Variants in HVCN1 observed in about 807,000 individuals in gnomAD.
HVCN1 encodes hydrogen voltage gated channel 1.
HVCN1 carries 14 observed loss-of-function variants against 29.2 expected under a neutral mutation model. That is an observed-to-expected ratio of 0.48 (90% CI 0.32 to 0.75). The LOEUF (loss-of-function observed/expected upper bound fraction) is 0.75. HVCN1 is among the 30% of genes least tolerant of loss of function. The pLI, the probability that HVCN1 is intolerant of heterozygous loss-of-function variation, is 0.04. For missense variants in HVCN1, 263 were observed against 341.8 expected (o/e 0.77, Z 1.82); for synonymous variants, 131 against 133.2 (o/e 0.98, Z 0.11).
intron 3 of HVCN1, 51 bp downstream of exon 3, chr12:110,683,174 C>T (rs1230247450): frequency 1.9e-6 from 3 of 1,612,890 alleles, no homozygotes; most frequent in Non-Finnish European, 2.5e-6. Context: ...CAGAATTATC[C>T]TCTCAAGGCT....
chr12:110,666,960 T>A (rs2068385730), intron 3 of HVCN1, among the ~76,000 whole-genome samples: 1 of 152,068 alleles, frequency 6.6e-6, no homozygotes, highest in Non-Finnish European at 1.5e-5. Flanking sequence ...GTCCCCTGAG[T>A]CTTGTATGAC....
In HVCN1 at chr12:110,661,120, C is replaced by T. The variant is rs563786433; in HGVS notation, c.306+44G>A. 89 of 1,544,034 alleles carry T rather than the reference C, an allele frequency of 5.8e-5. 1 individual carries two copies. The Middle Eastern group carries it at 1.4e-3, about 25-fold the overall frequency. On this transcript the variant is annotated intron_variant, in intron 4 of 7. Coordinates refer to ENST00000242607, the MANE Select transcript of HVCN1 (RefSeq NM_032369.4). This position sits in a 1 kb window ranked among gnomAD's most constrained non-coding sequence, Gnocchi z 6.2. ...CCGCCTGCCTCACATTCCCCGATGG[C>T]TCTCCTGCCAGCTCTGGGTATCCCG...
upstream of HVCN1, among the ~76,000 whole-genome samples, chr12:110,691,264 C>T (rs188001723): frequency 1.8e-3 from 275 of 150,720 alleles, 1 homozygote; most frequent in African/African-American, 6.2e-3. Context: ...GGGGTTTCAC[C>T]GTGTTAACCA....
intron 1 of HVCN1, among the ~76,000 whole-genome samples, chr12:110,702,678 G>A (rs1257908734): frequency 2.8e-5 from 4 of 144,928 alleles, no homozygotes; most frequent in Non-Finnish European, 6.0e-5. Context: ...TTTTGAGATG[G>A]AGTTTTGCTC....
chr12:110,678,310 G>A (rs2068815669), intron 3 of HVCN1, among the ~76,000 whole-genome samples: 4 of 152,120 alleles, frequency 2.6e-5, no homozygotes, highest in African/African-American at 7.2e-5. Context: ...AGTTTGGAGC[G>A]GTGTTTCTCA....
intron 3 of HVCN1, among the ~76,000 whole-genome samples, chr12:110,664,248 AC>A (rs1200058057): frequency 6.6e-6 from 1 of 152,134 alleles, no homozygotes; most frequent in African/African-American, 2.4e-5. Flanking sequence ...ACAACTGTAT[AC>A]CCAGCACCTA....
At chr12:110,701,238 C>T (rs1046182927) in intron 2 of HVCN1, among the ~76,000 whole-genome samples, 21 of 152,326 alleles carry the variant, frequency 1.4e-4, no homozygotes, top group South Asian at 4.1e-4. Flanking sequence ...GGAGGTAGAG[C>T]GCTCCAGCCT....
intron 3 of HVCN1, among the ~76,000 whole-genome samples, chr12:110,664,423 T>A (rs2068277215): frequency 6.6e-6 from 1 of 152,168 alleles, no homozygotes; most frequent in Non-Finnish European, 1.5e-5. Context: ...GTTAAATATA[T>A]GGAAAATATT....
At chr12:110,669,683 G>T (rs1316704307) in intron 3 of HVCN1, among the ~76,000 whole-genome samples, 1 of 152,146 alleles carries the variant, frequency 6.6e-6, no homozygotes, top group Non-Finnish European at 1.5e-5. Flanking sequence ...AACAACCACT[G>T]AGACACTGTC....
intron 3 of HVCN1, among the ~76,000 whole-genome samples, chr12:110,663,913 A>G (rs79682148): frequency 0.033 from 4,953 of 152,048 alleles, 142 homozygotes; most frequent in African/African-American, 0.083. Context: ...AAGACCTTAC[A>G]TTTAATTTTC....
At chr12:110,683,414 G>A (rs1566061032) in intron 2 of HVCN1, 150 bp from the exon 3 acceptor site, 1 of 868,644 alleles carries the variant, frequency 1.2e-6, no homozygotes, top group Non-Finnish European at 1.7e-6. Context: ...GTATATGTAG[G>A]AGGGCATACA....
At position 110,658,110 on chromosome 12, in the gene HVCN1, T is replaced by G. The variant is rs1028229378; in HGVS notation, c.307-2772A>C. On this transcript the variant is annotated intron_variant, in intron 4 of 7. Coordinates refer to ENST00000242607, the MANE Select transcript of HVCN1 (RefSeq NM_032369.4). The surrounding 1 kb of genome is among the most constrained non-coding windows in gnomAD (Gnocchi z 5.0). The stretch of plus-strand genomic sequence containing the variant: ...AAGCTCCCTGACTCCTGGGACCACT[T>G]TCCCTTGGCTCCACTCTGTCCTGTC... 5.3e-5 allele frequency among the ~76,000 whole-genome samples: 8 copies of G among 152,094 alleles called. No homozygotes were observed. The highest frequency in any genetic ancestry group is 7.4e-5 in the Non-Finnish European group (5 of 68,014).
rs956622149 is a variant in HVCN1 at position 110,664,830 on chromosome 12, G to A, written c.22-3382C>T. ...GTGTGTGTGGAACAAGATTTCATGA[G>A]GCAGGGAAAAATATAACTTTCAGGA... On this transcript the variant is annotated intron_variant, in intron 3 of 7. Coordinates refer to ENST00000242607, the MANE Select transcript of HVCN1 (RefSeq NM_032369.4). 5.9e-5 allele frequency among the ~76,000 whole-genome samples: 9 copies of A among 152,108 alleles called. No homozygotes were observed. In the East Asian group the frequency reaches 7.7e-4, roughly 13 times the overall value.
At chr12:110,700,498 G>A (rs1255744062) in intron 2 of HVCN1, among the ~76,000 whole-genome samples, 1 of 152,168 alleles carries the variant, frequency 6.6e-6, no homozygotes, top group Non-Finnish European at 1.5e-5. Flanking sequence ...CGCTTATCTC[G>A]GGGTGGCATT....
intron 2 of HVCN1, among the ~76,000 whole-genome samples, chr12:110,696,976 G>A (rs999307688): frequency 2.4e-4 from 36 of 152,000 alleles, no homozygotes; most frequent in Non-Finnish European, 4.4e-5. Flanking sequence ...GGAAAAAGGG[G>A]CATGATTCCA....
At chr12:110,671,066 C>G (rs1030973373) in intron 3 of HVCN1, among the ~76,000 whole-genome samples, 2 of 152,150 alleles carry the variant, frequency 1.3e-5, no homozygotes, top group Admixed American at 1.3e-4. Flanking sequence ...GTGGCTCATG[C>G]CTGTAATCCC....
At chr12:110,673,557 G>C (rs1303778461) in intron 3 of HVCN1, among the ~76,000 whole-genome samples, 1 of 152,180 alleles carries the variant, frequency 6.6e-6, no homozygotes, top group Non-Finnish European at 1.5e-5. Context: ...CCATGTCAGA[G>C]ACCTTCACAG....
At chr12:110,703,939 C>T (rs866228654) in intron 1 of HVCN1, among the ~76,000 whole-genome samples, 1 of 152,210 alleles carries the variant, frequency 6.6e-6, no homozygotes. Flanking sequence ...CCCACCTCGG[C>T]CTCCCAAAGT....
chr12:110,673,406 T>C (rs1025423945), intron 3 of HVCN1, among the ~76,000 whole-genome samples: 1 of 152,206 alleles, frequency 6.6e-6, no homozygotes, highest in Non-Finnish European at 1.5e-5. Context: ...GGCATAAAAG[T>C]TTGGAAAATT....
Sources: gnomAD v4.1 joint callset for allele counts (sites outside exome capture counted in the v4.1 genomes callset) on GRCh38, gnomAD v4.1.1 for gene constraint, Gnocchi (gnomAD v3.1) non-coding constraint, MANE v1.5 for transcripts, NCBI Gene and HGNC (gene_info 2026-07-23, HGNC 2026-07-21) for gene names.